Variants in RAP1GAP2 observed in about 807,000 individuals in gnomAD.
RAP1GAP2 encodes the protein RAP1 GTPase activating protein 2.
A neutral mutation model predicts 95.0 loss-of-function variants in RAP1GAP2; 27 were observed. The observed-to-expected ratio is 0.28, with a 90% confidence interval of 0.21 to 0.39. The LOEUF (loss-of-function observed/expected upper bound fraction) is 0.39, where lower values mean the gene tolerates loss of function less well. Ranked by LOEUF, RAP1GAP2 falls within the 10% of genes least tolerant of loss-of-function variation. RAP1GAP2 has a pLI of 1.00. For missense variants in RAP1GAP2, 771 were observed against 970.0 expected (o/e 0.79, Z 2.72); for synonymous variants, 373 against 380.9 (o/e 0.98, Z 0.24).
intron 2 of RAP1GAP2, among the ~76,000 whole-genome samples, chr17:2,802,526 A>G (rs1018515278): frequency 1.3e-5 from 2 of 152,160 alleles, no homozygotes; most frequent in African/African-American, 2.4e-5. Flanking sequence ...CCTGGTCAAC[A>G]TGGTGAAACC....
At chr17:2,982,241 C>T (rs370777727) in intron 10 of RAP1GAP2, among the ~76,000 whole-genome samples, 12 of 152,290 alleles carry the variant, frequency 7.9e-5, no homozygotes, top group African/African-American at 2.9e-4. Context: ...CTGGTTGAAG[C>T]GATTCTCCTG....
chr17:2,770,181 C>T (rs1349241508), intron 1 of RAP1GAP2: 3 of 394,968 alleles, frequency 7.6e-6, no homozygotes, highest in East Asian at 7.2e-5. Flanking sequence ...AATGATGGCC[C>T]TCTGGAAACA....
intron 3 of RAP1GAP2, among the ~76,000 whole-genome samples, chr17:2,955,247 G>T (rs2044067374): frequency 6.6e-6 from 1 of 152,194 alleles, no homozygotes; most frequent in African/African-American, 2.4e-5. Flanking sequence ...ATTCCTACCA[G>T]CAATAGATGA....
intron 1 of RAP1GAP2, among the ~76,000 whole-genome samples, chr17:2,779,548 G>C (rs1353853234): frequency 2.0e-5 from 3 of 152,168 alleles, no homozygotes; most frequent in Non-Finnish European, 4.4e-5. Context: ...CACAGCCTAT[G>C]AATTGGAGTC....
At chr17:2,803,828 G>T (rs1408611727) in intron 2 of RAP1GAP2, among the ~76,000 whole-genome samples, 1 of 152,168 alleles carries the variant, frequency 6.6e-6, no homozygotes, top group African/African-American at 2.4e-5. Flanking sequence ...ACCATGAGCT[G>T]AGATCACACC....
intron 3 of RAP1GAP2, among the ~76,000 whole-genome samples, chr17:2,914,181 G>A (rs1383602487): frequency 6.6e-6 from 1 of 151,816 alleles, no homozygotes; most frequent in African/African-American, 2.4e-5. Context: ...GCCGGTGACT[G>A]TTTATATGAA....
intron 1 of RAP1GAP2, among the ~76,000 whole-genome samples, chr17:2,798,209 C>T (rs1470574632): frequency 6.6e-6 from 1 of 152,082 alleles, no homozygotes; most frequent in Non-Finnish European, 1.5e-5. Flanking sequence ...TAGGGTGAGC[C>T]GAAGGTGGAG....
chr17:2,978,378 C>T (rs147284729), intron 8 of RAP1GAP2, among the ~76,000 whole-genome samples: 11 of 152,170 alleles, frequency 7.2e-5, no homozygotes, highest in Non-Finnish European at 1.0e-4. Context: ...ACAGTCCCTC[C>T]GATCACTGAG....
intron 3 of RAP1GAP2, among the ~76,000 whole-genome samples, chr17:2,941,918 G>GT (rs2043514686): frequency 1.3e-5 from 2 of 152,078 alleles, no homozygotes; most frequent in African/African-American, 4.8e-5. Flanking sequence ...CCTGACCTCA[G>GT]GTGATCCACC....
intron 2 of RAP1GAP2, among the ~76,000 whole-genome samples, chr17:2,807,918 CGTAAAGAGG>C (rs1182878890): frequency 6.6e-6 from 1 of 152,088 alleles, no homozygotes; most frequent in African/African-American, 2.4e-5. Context: ...GAGACAGCCA[CGTAAAGAGG>C]TCCCCGGAGA....
intron 1 of RAP1GAP2, chr17:2,770,283 C>A: frequency 2.5e-6 from 1 of 398,476 alleles, no homozygotes; most frequent in South Asian, 1.3e-4. Context: ...CCAAGGAGCT[C>A]TGCAGAGCTC....
At chr17:2,881,707 T>C (rs1299465732) in intron 2 of RAP1GAP2, among the ~76,000 whole-genome samples, 1 of 152,254 alleles carries the variant, frequency 6.6e-6, no homozygotes, top group Non-Finnish European at 1.5e-5. Flanking sequence ...TCCACACTTT[T>C]CAACAATGGG....
chr17:2,934,832 T>C (rs760304737), intron 3 of RAP1GAP2, among the ~76,000 whole-genome samples: 1 of 152,174 alleles, frequency 6.6e-6, no homozygotes. Flanking sequence ...CTGTGGTGTG[T>C]GTAAATATGG....
intron 2 of RAP1GAP2, among the ~76,000 whole-genome samples, chr17:2,873,474 CAAAAAAAAAAAAAAAAAAAAAA>C (rs71153308): frequency 5.3e-4 from 6 of 11,398 alleles, no homozygotes; most frequent in Admixed American, 3.3e-3. Context: ...GACCCTGTCT[CAAAAAAAAAAAAAAAAAAAAAA>C]AAAAAAAAAA....
chr17:2,972,676 A>G lies in RAP1GAP2; in HGVS notation c.596+7033A>G, dbSNP rs930980377. ...ATGCAAAAAAAGGGTAGGGGCCAAT[A>G]TTCCTTACGAATGTAGAAATCAATG... On this transcript the variant is annotated intron_variant, in intron 8 of 24. Coordinates refer to ENST00000254695, the MANE Select transcript of RAP1GAP2 (RefSeq NM_015085.5). Among the ~76,000 whole-genome samples, 5 of 152,046 alleles carry G rather than the reference A, an allele frequency of 3.3e-5. No individual in the cohort carries two copies. The East Asian group carries it at 9.6e-4, about 29-fold the overall frequency.
At chr17:2,973,615 A>G (rs938685948) in intron 8 of RAP1GAP2, among the ~76,000 whole-genome samples, 2 of 152,224 alleles carry the variant, frequency 1.3e-5, no homozygotes, top group Non-Finnish European at 2.9e-5. Flanking sequence ...TAAATAATGA[A>G]TTTATGAATT....
intron 1 of RAP1GAP2, among the ~76,000 whole-genome samples, chr17:2,778,008 GGGAGGCGGGGAGGCTGGGAGGCT>G (rs1400791098): frequency 1.7e-4 from 6 of 34,508 alleles, no homozygotes; most frequent in African/African-American, 7.8e-4. Context: ...CTGGGAGGCT[GGGAGGCGGGGAGGCTGGGAGGCT>G]GGGAGGCGGG....
intron 2 of RAP1GAP2, among the ~76,000 whole-genome samples, chr17:2,841,335 G>A (rs1222886891): frequency 3.5e-5 from 4 of 114,096 alleles, no homozygotes; most frequent in African/African-American, 1.4e-4. Flanking sequence ...ACGGAGTCTT[G>A]CTCTGTCGCC....
chr17:2,950,190 A>C (rs1244582184), intron 3 of RAP1GAP2, among the ~76,000 whole-genome samples: 2 of 152,004 alleles, frequency 1.3e-5, no homozygotes, highest in Non-Finnish European at 1.5e-5. Flanking sequence ...AGTAGCTGAG[A>C]TCACAGGCCT....
Sources: gnomAD v4.1 joint callset for allele counts (sites outside exome capture counted in the v4.1 genomes callset) on GRCh38, gnomAD v4.1.1 for gene constraint, MANE v1.5 for transcripts, NCBI Gene and HGNC (gene_info 2026-07-23, HGNC 2026-07-21) for gene names.